MAPK10: variants seen among roughly 807,000 people sequenced by gnomAD.
MAPK10 encodes JNK3 alpha protein kinase.
MAPK10 carries 25 observed loss-of-function variants against 59.3 expected under a neutral mutation model. The observed-to-expected ratio is 0.42, with a 90% CI of 0.31 to 0.59. MAPK10 has a LOEUF of 0.59. Among genes scored for constraint, MAPK10 ranks in the 20% least tolerant of loss-of-function variants. The pLI is 0.15. For synonymous variants in MAPK10, 190 were observed against 200.5 expected, an observed-to-expected ratio of 0.95 and a Z score of 0.44; for missense variants, 351 against 568.9, an observed-to-expected ratio of 0.62 and a Z score of 3.90.
At chr4:86,423,411 A>G (rs1478403753) in intron 1 of MAPK10, among the ~76,000 whole-genome samples, 1 of 152,184 alleles carries the variant, frequency 6.6e-6, no homozygotes, top group Non-Finnish European at 1.5e-5. Context: ...ATTTAGTAAT[A>G]ACAAATAAGG....
At chr4:86,219,814 T>G (rs1041796329) in intron 2 of MAPK10, 3 of 152,170 alleles carry the variant, frequency 2.0e-5, no homozygotes, top group African/African-American at 7.2e-5. Flanking sequence ...TGCTTTAATA[T>G]CTGTTAACAT....
chr4:86,322,398 G>A (rs2095915991), intron 2 of MAPK10, among the ~76,000 whole-genome samples: 1 of 152,140 alleles, frequency 6.6e-6, no homozygotes, highest in Admixed American at 6.6e-5. Context: ...GAATAAAGCA[G>A]CAGAAAAAAA....
chr4:86,263,217 C>T (rs1252099910), intron 2 of MAPK10, among the ~76,000 whole-genome samples: 1 of 152,224 alleles, frequency 6.6e-6, no homozygotes, highest in East Asian at 1.9e-4. Context: ...ATCCTGTCCA[C>T]ATGTTTAAAT....
chr4:86,503,638 T>A (rs2149080376), intron 1 of MAPK10, among the ~76,000 whole-genome samples: 1 of 152,242 alleles, frequency 6.6e-6, no homozygotes, highest in South Asian at 2.1e-4. Context: ...CTACAGTTGG[T>A]CCCTTGCTTC....
intron 1 of MAPK10, among the ~76,000 whole-genome samples, chr4:86,367,284 T>C (rs1564738453): frequency 6.6e-6 from 1 of 152,116 alleles, no homozygotes. Context: ...AGGGTCCACA[T>C]TTACTCTTTG....
At chr4:86,267,983 T>C (rs969789531) in intron 2 of MAPK10, among the ~76,000 whole-genome samples, 2 of 152,204 alleles carry the variant, frequency 1.3e-5, no homozygotes, top group African/African-American at 4.8e-5. Flanking sequence ...TTTTTAGTGT[T>C]TTCCTAACAC....
intron 1 of MAPK10, among the ~76,000 whole-genome samples, chr4:86,445,825 A>C (rs1432449512): frequency 6.6e-6 from 1 of 152,148 alleles, no homozygotes; most frequent in African/African-American, 2.4e-5. Context: ...AATTGAGGGA[A>C]TTTGTTGCCA....
At chr4:86,392,641 G>A (rs539712072) in intron 1 of MAPK10, among the ~76,000 whole-genome samples, 1 of 152,190 alleles carries the variant, frequency 6.6e-6, no homozygotes, top group South Asian at 2.1e-4. Context: ...AGATCAAGTG[G>A]AGATTATAGT....
At chr4:86,544,894 T>TC (rs1759023975) in intron 1 of MAPK10, among the ~76,000 whole-genome samples, 1 of 151,800 alleles carries the variant, frequency 6.6e-6, no homozygotes, top group Non-Finnish European at 1.5e-5. Context: ...TTTTTTTTTT[T>TC]CACTATTTCA....
At chr4:86,262,515 T>C (rs1433281925) in intron 2 of MAPK10, among the ~76,000 whole-genome samples, 1 of 152,192 alleles carries the variant, frequency 6.6e-6, no homozygotes, top group African/African-American at 2.4e-5. Flanking sequence ...TTAATAAGCA[T>C]GTCAGGAGGT....
At chr4:86,220,238 A>C (rs373814701) in intron 2 of MAPK10, among the ~76,000 whole-genome samples, 15 of 152,178 alleles carry the variant, frequency 9.9e-5, no homozygotes, top group South Asian at 6.2e-4. Context: ...ACAACAACAA[A>C]AATAAAGTCC....
chr4:86,083,839 G>T (rs1049009442), intron 9 of MAPK10, among the ~76,000 whole-genome samples: 7 of 152,156 alleles, frequency 4.6e-5, no homozygotes, highest in Non-Finnish European at 1.5e-5. Context: ...AAAGAACTTT[G>T]TCTTGCATTT....
chr4:86,531,223 T>G (rs1269922996), intron 1 of MAPK10, among the ~76,000 whole-genome samples: 3 of 152,260 alleles, frequency 2.0e-5, no homozygotes, highest in Non-Finnish European at 4.4e-5. Flanking sequence ...CTAAGGTTAA[T>G]CAGTCTTTGC....
intron 11 of MAPK10, among the ~76,000 whole-genome samples, chr4:86,058,871 G>A (rs1447417504): frequency 6.6e-6 from 1 of 152,008 alleles, no homozygotes; most frequent in African/African-American, 2.4e-5. Flanking sequence ...TTTGACCACA[G>A]GCTTCTGATT....
At chr4:86,444,854 C>A (rs1172125365) in intron 1 of MAPK10, among the ~76,000 whole-genome samples, 2 of 152,078 alleles carry the variant, frequency 1.3e-5, no homozygotes, top group Non-Finnish European at 2.9e-5. Flanking sequence ...AAATGCAAAT[C>A]AAAACCACAA....
chr4:86,258,853 T>G (rs1479706414), intron 2 of MAPK10, among the ~76,000 whole-genome samples: 1 of 152,208 alleles, frequency 6.6e-6, no homozygotes, highest in East Asian at 1.9e-4. Flanking sequence ...ATTGCAGCAC[T>G]GACTCCTGCA....
intron 5 of MAPK10, 87 bp from the exon 6 acceptor site, chr4:86,103,331 G>C (rs145013503): frequency 2.0e-5 from 15 of 750,802 alleles, no homozygotes; most frequent in Middle Eastern, 5.2e-4. Flanking sequence ...TCAACTCAAA[G>C]TCACTCACTA....
chr4:86,186,006 T>C (rs982212961), intron 3 of MAPK10, among the ~76,000 whole-genome samples: 9 of 152,132 alleles, frequency 5.9e-5, no homozygotes, highest in Non-Finnish European at 1.2e-4. Context: ...ATATTCATGA[T>C]AATGATAATA....
At chr4:86,024,762 T>C (rs577174423) in intron 13 of MAPK10, 5 of 152,354 alleles carry the variant, frequency 3.3e-5, no homozygotes, top group Non-Finnish European at 7.4e-5. Context: ...TGCAGTTGTC[T>C]TTCTTCTCCT....
Sources: gnomAD v4.1 joint callset for allele counts (sites outside exome capture counted in the v4.1 genomes callset) on GRCh38, gnomAD v4.1.1 for gene constraint, MANE v1.5 for transcripts, NCBI Gene and HGNC (gene_info 2026-07-23, HGNC 2026-07-21) for gene names.